The following DDHD1 variants were observed in gnomAD, a reference collection of about 807,000 sequenced individuals.
The protein encoded by DDHD1 is DDHD domain containing 1.
In DDHD1, 49 loss-of-function variants were observed where a neutral mutation model predicts 96.4. The ratio of observed to expected loss-of-function variants is 0.51; its 90% CI spans 0.40 to 0.64. The LOEUF is 0.64. DDHD1 is among the 30% of genes least tolerant of loss of function. The pLI, the probability that DDHD1 is intolerant of heterozygous loss-of-function variation, is 0.00. For missense variants in DDHD1, 1,106 were observed against 1,161.2 expected (o/e 0.95, Z 0.69); for synonymous variants, 442 against 446.5 (o/e 0.99, Z 0.13).
At chr14:53,146,275 G>A (rs1203623231) in intron 1 of DDHD1, among the ~76,000 whole-genome samples, 1 of 151,942 alleles carries the variant, frequency 6.6e-6, no homozygotes, top group African/African-American at 2.4e-5. Flanking sequence ...AGGCCAAGGT[G>A]GGTGAATTAC....
chr14:53,125,978 G>A (rs1182109173), intron 1 of DDHD1, among the ~76,000 whole-genome samples: 1 of 152,152 alleles, frequency 6.6e-6, no homozygotes, highest in East Asian at 1.9e-4. Flanking sequence ...TGGGATTACA[G>A]GCGTGAGCCA....
intron 1 of DDHD1, among the ~76,000 whole-genome samples, chr14:53,106,110 T>C (rs909299081): frequency 6.6e-6 from 1 of 152,198 alleles, no homozygotes; most frequent in Non-Finnish European, 1.5e-5. Flanking sequence ...TGGAGAATAA[T>C]CTTAATTCTT....
intron 4 of DDHD1, among the ~76,000 whole-genome samples, chr14:53,088,908 A>G (rs1359912522): frequency 1.3e-5 from 2 of 152,238 alleles, no homozygotes; most frequent in Non-Finnish European, 2.9e-5. Flanking sequence ...ACATGATTGT[A>G]TATTTAGAAA....
In DDHD1 at chr14:53,090,871, T is replaced by TA. The variant is rs879773635; in HGVS notation, c.1289+913dup. ...ATGTACCCTAGAACTTAAAGTATAA[T>TA]AAAAAAAAAAAAGTTGAATTGTATT... is the stretch of plus-strand genomic sequence containing the variant. On this transcript the variant is annotated intron_variant, in intron 4 of 12. Coordinates refer to ENST00000673822, the MANE Select transcript of DDHD1 (RefSeq NM_001160148.2). Among the ~76,000 whole-genome samples the TA allele has an allele frequency of 4.7e-3, 658 of 141,264 alleles. 3 individuals are homozygous for TA. Among genetic ancestry groups the TA allele is most frequent in the Middle Eastern group, 0.018 (5 of 276 alleles). The allele number at this position is 141,264 out of a possible 152,430, so 92.7% of individuals were successfully genotyped here. A position where few individuals can be genotyped will look rare whatever the true frequency, so the allele number is the denominator to read the frequency against.
chr14:53,076,878 G>A (rs919899288), intron 4 of DDHD1, among the ~76,000 whole-genome samples: 1 of 152,138 alleles, frequency 6.6e-6, no homozygotes. Context: ...ATATGTACAC[G>A]ATTTTTAAAG....
At chr14:53,130,386 G>A (rs899306056) in intron 1 of DDHD1, among the ~76,000 whole-genome samples, 4 of 152,078 alleles carry the variant, frequency 2.6e-5, no homozygotes, top group African/African-American at 9.7e-5. Context: ...CCAGTTCATG[G>A]CCCATTTGTT....
At chr14:53,063,719 T>C (rs960968481) in intron 6 of DDHD1, among the ~76,000 whole-genome samples, 2 of 152,042 alleles carry the variant, frequency 1.3e-5, no homozygotes, top group Admixed American at 6.6e-5. Context: ...ACTGAATGAT[T>C]GAAGAAAAAA....
rs746388950 is a variant in DDHD1 at position 53,103,748 on chromosome 14, A to G, written c.947T>C (p.Phe316Ser). 3 of 1,613,570 alleles carry G rather than the reference A, an allele frequency of 1.9e-6. No individual in the cohort carries two copies. In the African/African-American group the frequency reaches 4.0e-5, roughly 22 times the overall value. The change falls in exon 2 of 13, where the codon TTT (phenylalanine) becomes TCT (serine). Residue 316 changes from phenylalanine to serine, a missense_variant. Phe to Ser is a radical substitution (Grantham distance 155). Coordinates refer to ENST00000673822, the MANE Select transcript of DDHD1 (RefSeq NM_001160148.2). The part of the protein sequence containing the change: ...NLIEQEHLNC[F>S]RGQQMQENFD... The stretch of plus-strand genomic sequence containing the variant: ...ATTTTCCTGCATCTGCTGGCCCCTA[A>G]AACAATTGAGATGTTCTTGCTCAAT...
chr14:53,106,859 G>C (rs1887724425), intron 1 of DDHD1, among the ~76,000 whole-genome samples: 1 of 152,138 alleles, frequency 6.6e-6, no homozygotes, highest in Non-Finnish European at 1.5e-5. Context: ...TTTCTGAAAA[G>C]TGTTGAGTTA....
At chr14:53,050,154 A>G (rs929761634) in intron 12 of DDHD1, among the ~76,000 whole-genome samples, 1 of 152,196 alleles carries the variant, frequency 6.6e-6, no homozygotes, top group Non-Finnish European at 1.5e-5. Flanking sequence ...TGGAGAAATC[A>G]TAAGAGGCTC....
intron 8 of DDHD1, among the ~76,000 whole-genome samples, chr14:53,059,260 T>C (rs1883324130): frequency 6.6e-6 from 1 of 152,106 alleles, no homozygotes; most frequent in African/African-American, 2.4e-5. Flanking sequence ...TTATTTATTT[T>C]TTGAGACCGA....
chr14:53,088,921 C>G (rs1047636052), intron 4 of DDHD1, among the ~76,000 whole-genome samples: 9 of 152,088 alleles, frequency 5.9e-5, no homozygotes, highest in Non-Finnish European at 1.5e-5. Flanking sequence ...TTTAGAAAAC[C>G]CCATTGTCTC....
In DDHD1 at chr14:53,074,678, T is replaced by C. The variant is rs186825303; in HGVS notation, c.1290-831A>G. Among the ~76,000 whole-genome samples, 596 of 152,244 alleles carry C rather than the reference T, an allele frequency of 3.9e-3. 7 individuals are homozygous for C. Among genetic ancestry groups the C allele is most frequent in the African/African-American group, 0.014 (564 of 41,570 alleles). ...TCTAAATACAATCCATGCACTGCAA[T>C]TGGAAGACATGTCTCTACTATAGGC... On this transcript the variant is annotated intron_variant, in intron 4 of 12. Coordinates refer to ENST00000673822, the MANE Select transcript of DDHD1 (RefSeq NM_001160148.2).
chr14:53,136,331 A>C (rs1408670529), intron 1 of DDHD1, among the ~76,000 whole-genome samples: 1 of 152,224 alleles, frequency 6.6e-6, no homozygotes, highest in Non-Finnish European at 1.5e-5. Flanking sequence ...GAGACAGTAC[A>C]AGCTTAGTGC....
At chr14:53,067,588 G>C (rs1456720266) in intron 6 of DDHD1, among the ~76,000 whole-genome samples, 1 of 152,004 alleles carries the variant, frequency 6.6e-6, no homozygotes, top group Non-Finnish European at 1.5e-5. Context: ...CTCCCAAGTA[G>C]CTGGGATTAT....
chr14:53,051,857 T>C lies in DDHD1; in HGVS notation c.2508A>G (p.Lys836=), dbSNP rs375235517. Residue 836 remains lysine, a synonymous_variant, in exon 12 of 13, where the codon AAA becomes AAG. Transcript: ENST00000673822. ...LLFPENVMQN[K]DNALVELDHR... ...CATATACCATACCGAGGGCATTATC[T>C]TTATTCTGCATTACATTTTCCGGAA... 695 of 1,597,540 alleles carry C rather than the reference T, an allele frequency of 4.4e-4. No homozygotes were observed. The highest frequency in any genetic ancestry group is 5.3e-4 in the Non-Finnish European group (616 of 1,170,922).
intron 2 of DDHD1, among the ~76,000 whole-genome samples, chr14:53,099,772 T>G (rs1887160424): frequency 6.6e-6 from 1 of 152,184 alleles, no homozygotes; most frequent in Admixed American, 6.5e-5. Flanking sequence ...CTGCTAAACA[T>G]TTTCTAGCCC....
rs1491402973 is a variant in DDHD1, at chr14:53,043,393, G to GTGTGTGTGTC, written c.*3374_*3375insGACACACACA. On this transcript the variant is annotated 3_prime_UTR_variant, in exon 13 of 13. Coordinates refer to ENST00000673822, the MANE Select transcript of DDHD1 (RefSeq NM_001160148.2). ...AAAAGAGCAGTTATTAGAACATCCAGTGTGTGTGTGTGTGTGTGTGTGTGT... is the reference window on the plus strand; with the variant it reads ...AAAAGAGCAGTTATTAGAACATCCAGTGTGTGTGTCTGTGTGTGTGTGTGTGTGTGTGTGT... 19 of 23,054 alleles carry GTGTGTGTGTC rather than the reference G, an allele frequency of 8.2e-4. No individual in the cohort carries two copies. Among genetic ancestry groups the GTGTGTGTGTC allele is most frequent in the African/African-American group, 3.0e-3 (19 of 6,272 alleles). The allele number at this position is 23,054 out of a possible 1,614,324, so 1.4% of individuals were successfully genotyped here. A position where few individuals can be genotyped will look rare whatever the true frequency, so the allele number is the denominator to read the frequency against.
intron 2 of DDHD1, chr14:53,096,120 G>A: frequency 2.0e-6 from 2 of 982,426 alleles, no homozygotes; most frequent in South Asian, 4.7e-5. Context: ...ACTGTACCTT[G>A]GGAATGCTTT....
Sources: allele counts gnomAD v4.1 joint callset (sites outside exome capture counted in the v4.1 genomes callset), GRCh38; gene constraint gnomAD v4.1.1; transcripts MANE v1.5; gene names NCBI Gene and HGNC (gene_info 2026-07-23, HGNC 2026-07-21).